NBAS: variants seen among roughly 807,000 people sequenced by gnomAD.
NBAS encodes the protein NBAS subunit of NRZ tethering complex.
A neutral mutation model predicts 302.5 loss-of-function variants in NBAS; 219 were observed. The ratio of observed to expected loss-of-function variants is 0.72; its 90% confidence interval spans 0.65 to 0.81. The LOEUF (loss-of-function observed/expected upper bound fraction) is 0.81, where lower values mean the gene tolerates loss of function less well. Ranked by LOEUF, NBAS falls within the 30% of genes least tolerant of loss-of-function variation. The pLI, the probability that NBAS is intolerant of heterozygous loss-of-function variation, is 0.00. For missense variants in NBAS, 2,932 were observed against 2,841.6 expected (o/e 1.03, Z -0.72); for synonymous variants, 1,118 against 1,021.6 (o/e 1.09, Z -1.80).
chr2:15,258,117 A>G (rs946822059), intron 44 of NBAS, among the ~76,000 whole-genome samples: 6 of 152,182 alleles, frequency 3.9e-5, no homozygotes, highest in African/African-American at 1.4e-4. Flanking sequence ...AGGAACATAA[A>G]TTGTGAAGAT....
chr2:15,458,067 A>G (rs1222159105), intron 21 of NBAS, among the ~76,000 whole-genome samples: 1 of 152,198 alleles, frequency 6.6e-6, no homozygotes, highest in Non-Finnish European at 1.5e-5. Context: ...TCACTATACA[A>G]GCGCCGCCCT....
chr2:14,816,574 T>C, the NBAS span, among the ~76,000 whole-genome samples: 1 of 152,206 alleles, frequency 6.6e-6, no homozygotes, highest in Admixed American at 6.5e-5. Flanking sequence ...CTTTAAAAAC[T>C]TGATACTGGT....
intron 45 of NBAS, among the ~76,000 whole-genome samples, chr2:15,238,089 T>C (rs1256732698): frequency 1.3e-5 from 2 of 152,164 alleles, no homozygotes; most frequent in Non-Finnish European, 2.9e-5. Flanking sequence ...TTTATTTTTA[T>C]TTGTTAATTC....
intron 21 of NBAS, among the ~76,000 whole-genome samples, chr2:15,456,524 A>C (rs1679254169): frequency 6.6e-6 from 1 of 152,248 alleles, no homozygotes; most frequent in Admixed American, 6.5e-5. Flanking sequence ...TCAGTACTGC[A>C]GCTACATTCG....
At chr2:15,393,531 A>G (rs1470488166) in intron 28 of NBAS, 1 of 377,316 alleles carries the variant, frequency 2.7e-6, no homozygotes, top group East Asian at 7.2e-5. Context: ...CCTTTAAAAA[A>G]CAGTTTGGCA....
In NBAS at chr2:15,430,856, G is replaced by T. The variant is rs1369084366; in HGVS notation, c.2340-3062C>A. ...GAGTCTCGCTCGGTCGCCCAGTCTG[G>T]AGTGCAGTGGCACAATCTCAGCTCA... On this transcript the variant is annotated intron_variant, in intron 21 of 51. Coordinates refer to ENST00000281513, the MANE Select transcript of NBAS (RefSeq NM_015909.4). Among the ~76,000 whole-genome samples, 3 of 151,848 alleles carry T rather than the reference G, an allele frequency of 2.0e-5. No individual in the cohort carries two copies. In the East Asian group the frequency reaches 5.8e-4, roughly 29 times the overall value.
At chr2:15,386,781 T>A (rs1463947427) in intron 28 of NBAS, among the ~76,000 whole-genome samples, 1 of 152,238 alleles carries the variant, frequency 6.6e-6, no homozygotes. Flanking sequence ...AACTGAAATG[T>A]CTTTCAACTC....
chr2:14,816,763 C>A, the NBAS span, among the ~76,000 whole-genome samples: 1 of 152,198 alleles, frequency 6.6e-6, no homozygotes, highest in African/African-American at 2.4e-5. Context: ...CCCTACTGTA[C>A]ATTCTTTGGG....
intron 40 of NBAS, among the ~76,000 whole-genome samples, chr2:15,297,727 T>A (rs1670614132): frequency 6.6e-6 from 1 of 152,244 alleles, no homozygotes; most frequent in African/African-American, 2.4e-5. Flanking sequence ...GCGAGTGAAC[T>A]AATACACTTG....
At chr2:14,926,949 G>A in the NBAS span, among the ~76,000 whole-genome samples, 4 of 152,228 alleles carry the variant, frequency 2.6e-5, no homozygotes, top group Non-Finnish European at 5.9e-5. Flanking sequence ...GGTCTTTTTG[G>A]ATGAGATTTA....
At chr2:15,247,894 C>T (rs1395919118) in intron 44 of NBAS, among the ~76,000 whole-genome samples, 5 of 151,828 alleles carry the variant, frequency 3.3e-5, no homozygotes, top group African/African-American at 4.8e-5. Context: ...ATTAGATCAA[C>T]GAGAAAGAAG....
At chr2:15,038,509 C>T in the NBAS span, among the ~76,000 whole-genome samples, 1 of 152,126 alleles carries the variant, frequency 6.6e-6, no homozygotes. Flanking sequence ...TAGAAGCTCC[C>T]GCGACTAGCT....
At chr2:15,086,488 G>C in the NBAS span, among the ~76,000 whole-genome samples, 1 of 152,242 alleles carries the variant, frequency 6.6e-6, no homozygotes, top group Non-Finnish European at 1.5e-5. Context: ...AAACAGGGCT[G>C]AGACATGCCC....
At chr2:15,498,219 C>G (rs920040330) in intron 11 of NBAS, among the ~76,000 whole-genome samples, 2 of 152,216 alleles carry the variant, frequency 1.3e-5, no homozygotes, top group Non-Finnish European at 2.9e-5. Context: ...AATGTAGTAT[C>G]AAACTACCAC....
At chr2:14,855,699 G>A in the NBAS span, among the ~76,000 whole-genome samples, 1 of 152,162 alleles carries the variant, frequency 6.6e-6, no homozygotes, top group African/African-American at 2.4e-5. Context: ...GAAATGGGAG[G>A]GAAGAGTGGG....
At chr2:15,537,870 C>T (rs1663596263) in intron 7 of NBAS, among the ~76,000 whole-genome samples, 1 of 152,024 alleles carries the variant, frequency 6.6e-6, no homozygotes, top group African/African-American at 2.4e-5. Context: ...ATTTGCAGGC[C>T]CCTAGCTGCT....
chr2:15,520,506 T>C (rs1283601762), intron 9 of NBAS, among the ~76,000 whole-genome samples: 1 of 151,922 alleles, frequency 6.6e-6, no homozygotes, highest in Non-Finnish European at 1.5e-5. Context: ...TTGGATGACA[T>C]AAAATAGGGG....
chr2:15,016,394 T>A, the NBAS span, among the ~76,000 whole-genome samples: 1 of 152,090 alleles, frequency 6.6e-6, no homozygotes, highest in Non-Finnish European at 1.5e-5. Flanking sequence ...ACAAACTATA[T>A]CATCTTGTAA....
chr2:15,168,983 G>A (rs2125098324), intron 51 of NBAS, among the ~76,000 whole-genome samples: 2 of 152,318 alleles, frequency 1.3e-5, no homozygotes, highest in South Asian at 4.1e-4. Flanking sequence ...ATTCTTGAAG[G>A]CACAGAAGTT....
Sources: gnomAD v4.1 joint callset for allele counts (sites outside exome capture counted in the v4.1 genomes callset) on GRCh38, gnomAD v4.1.1 for gene constraint, MANE v1.5 for transcripts, NCBI Gene and HGNC (gene_info 2026-07-23, HGNC 2026-07-21) for gene names.